LPP: variants seen among roughly 807,000 people sequenced by gnomAD.
The protein encoded by LPP is LIM domain containing preferred translocation partner in lipoma, also known as lipoma-preferred partner.
LPP carries 38 observed loss-of-function variants against 60.4 expected under a neutral mutation model. That is an observed-to-expected ratio of 0.63 (90% CI 0.49 to 0.83). The LOEUF (loss-of-function observed/expected upper bound fraction) is 0.83, where lower values mean the gene tolerates loss of function less well. Among genes scored for constraint, LPP ranks in the 40% least tolerant of loss-of-function variants. The pLI is 0.00. For missense variants in LPP, 902 were observed against 783.6 expected, an observed-to-expected ratio of 1.15 and a Z score of -1.80; for synonymous variants, 328 against 290.8, an observed-to-expected ratio of 1.13 and a Z score of -1.30.
chr3:188,360,521 AC>A (rs1229128313), intron 3 of LPP, among the ~76,000 whole-genome samples: 1 of 151,354 alleles, frequency 6.6e-6, no homozygotes, highest in Non-Finnish European at 1.5e-5. Flanking sequence ...GAATTACATA[AC>A]TTTTTTTTTC....
intron 5 of LPP, among the ~76,000 whole-genome samples, chr3:188,493,802 CT>C (rs1054479927): frequency 6.5e-4 from 99 of 152,190 alleles, no homozygotes; most frequent in African/African-American, 2.3e-3. Flanking sequence ...CCTTTTTCTT[CT>C]TTATGAACTC....
chr3:188,506,582 C>A (rs996728724), intron 5 of LPP, among the ~76,000 whole-genome samples: 1 of 152,122 alleles, frequency 6.6e-6, no homozygotes, highest in Non-Finnish European at 1.5e-5. Context: ...AACCCCTCTG[C>A]CCTTTCTTGT....
intron 4 of LPP, among the ~76,000 whole-genome samples, chr3:188,448,376 C>CTATCTAAATAGATATTATTTAGA (rs1553901431): frequency 6.6e-6 from 1 of 150,822 alleles, no homozygotes; most frequent in Non-Finnish European, 1.5e-5. Flanking sequence ...ATAATAATAT[C>CTATCTAAATAGATATTATTTAGA]TATCTATATT....
intron 10 of LPP, among the ~76,000 whole-genome samples, chr3:188,868,906 G>A (rs1767365171): frequency 6.6e-6 from 1 of 152,210 alleles, no homozygotes; most frequent in South Asian, 2.1e-4. Flanking sequence ...TATATATAGA[G>A]AAGTCACTGT....
chr3:188,172,379 G>C (rs1358449651), intron 1 of LPP, among the ~76,000 whole-genome samples: 1 of 152,048 alleles, frequency 6.6e-6, no homozygotes, highest in Non-Finnish European at 1.5e-5. Context: ...ATAATAATAA[G>C]AAAATTACTT....
At chr3:188,872,890 G>A (rs1768512807) in intron 11 of LPP, 127 bp downstream of exon 11, 2 of 1,263,794 alleles carry the variant, frequency 1.6e-6, no homozygotes, top group Non-Finnish European at 2.2e-6. Flanking sequence ...CATAGGACTT[G>A]GGTTTTAGAT....
At chr3:188,603,248 A>G (rs1580318338) in intron 6 of LPP, among the ~76,000 whole-genome samples, 1 of 149,468 alleles carries the variant, frequency 6.7e-6, no homozygotes, top group Admixed American at 6.6e-5. Flanking sequence ...AATTTATTCA[A>G]TTTTTCTTCT....
At chr3:188,785,535 C>CATATATATATATATATATATAT (rs369062490) in intron 9 of LPP, among the ~76,000 whole-genome samples, 6 of 15,666 alleles carry the variant, frequency 3.8e-4, no homozygotes, top group African/African-American at 1.5e-3. Context: ...TATATTCCAT[C>CATATATATATATATATATATAT]ATATATATAT....
intron 2 of LPP, among the ~76,000 whole-genome samples, chr3:188,336,105 G>T (rs535448912): frequency 6.6e-6 from 1 of 152,268 alleles, no homozygotes; most frequent in South Asian, 2.1e-4. Flanking sequence ...GGCTTTTGAG[G>T]TCCTCCTATT....
chr3:188,465,909 A>G (rs758865412), intron 4 of LPP, among the ~76,000 whole-genome samples: 1 of 152,176 alleles, frequency 6.6e-6, no homozygotes, highest in Non-Finnish European at 1.5e-5. Context: ...CTCAGTTATC[A>G]AGGGCCAAGT....
At chr3:188,294,559 C>T (rs533731424) in intron 2 of LPP, among the ~76,000 whole-genome samples, 1 of 152,092 alleles carries the variant, frequency 6.6e-6, no homozygotes, top group Non-Finnish European at 1.5e-5. Context: ...ATATTTCCAC[C>T]TAACTTCATG....
intron 7 of LPP, among the ~76,000 whole-genome samples, chr3:188,622,508 A>G (rs1303484842): frequency 6.6e-6 from 1 of 152,196 alleles, no homozygotes; most frequent in African/African-American, 2.4e-5. Flanking sequence ...AGGGAAAAAA[A>G]TGTGGAGGAA....
At chr3:188,478,537 T>G (rs999073415) in intron 4 of LPP, among the ~76,000 whole-genome samples, 1 of 152,150 alleles carries the variant, frequency 6.6e-6, no homozygotes, top group Non-Finnish European at 1.5e-5. Flanking sequence ...CTTACTGTGT[T>G]AGCTGCTTTG....
chr3:188,651,027 C>T (rs1851972643), intron 7 of LPP, among the ~76,000 whole-genome samples: 1 of 152,046 alleles, frequency 6.6e-6, no homozygotes. Context: ...AAATAGGGAC[C>T]CTAATCATAT....
rs76979202 is a variant in LPP at position 188,178,949 on chromosome 3, C to G, written c.-190+24697C>G. 2.3e-3 allele frequency: 592 copies of G among 259,524 alleles called. 7 individuals carry two copies. The highest frequency in any genetic ancestry group is 0.013 in the African/African-American group (555 of 43,302). 16.1% of individuals were successfully genotyped at this position (259,524 alleles called of 1,614,324 possible). On this transcript the variant is annotated intron_variant, in intron 1 of 11. Transcript: ENST00000617246. ...TCTGTGGACATGCAGGTATATTAGG[C>G]CAGAGGTGGGGAGTGGGAGAGAGAG...
At chr3:188,178,695 T>C (rs2148875568) in intron 1 of LPP, 1 of 155,732 alleles carries the variant, frequency 6.4e-6, no homozygotes, top group East Asian at 1.9e-4. Context: ...GAAGGACACT[T>C]GTTGATTCCT....
intron 4 of LPP, among the ~76,000 whole-genome samples, chr3:188,474,720 A>C (rs1357526453): frequency 6.6e-6 from 1 of 152,206 alleles, no homozygotes; most frequent in Non-Finnish European, 1.5e-5. Context: ...TCTGTCCATC[A>C]CATGAATTTT....
At chr3:188,471,398 A>G (rs1464491915) in intron 4 of LPP, among the ~76,000 whole-genome samples, 1 of 152,226 alleles carries the variant, frequency 6.6e-6, no homozygotes, top group Non-Finnish European at 1.5e-5. Context: ...TGTTTAGTCT[A>G]GATATGAGGT....
chr3:188,505,444 G>A (rs1272157645), intron 5 of LPP, among the ~76,000 whole-genome samples: 1 of 152,054 alleles, frequency 6.6e-6, no homozygotes, highest in Non-Finnish European at 1.5e-5. Flanking sequence ...ACTCTAATAA[G>A]ATCAACTTTG....
Sources: allele counts gnomAD v4.1 joint callset (sites outside exome capture counted in the v4.1 genomes callset), GRCh38; gene constraint gnomAD v4.1.1; transcripts MANE v1.5; gene names NCBI Gene and HGNC (gene_info 2026-07-23, HGNC 2026-07-21).